TMED3: variants seen among roughly 807,000 people sequenced by gnomAD.
TMED3 encodes transmembrane emp24 domain-containing protein 3.
In TMED3, 9 loss-of-function variants were observed where a neutral mutation model predicts 15.0. That is an observed-to-expected ratio of 0.60 (90% confidence interval 0.36 to 1.04). The LOEUF is 1.04. TMED3 is among the 50% of genes least tolerant of loss of function. TMED3 has a pLI of 0.01. For missense variants in TMED3, 267 were observed against 278.9 expected (o/e 0.96, Z 0.30); for synonymous variants, 117 against 121.4 (o/e 0.96, Z 0.24).
intron 2 of TMED3, among the ~76,000 whole-genome samples, chr15:79,363,526 C>T (rs1372951453): frequency 6.9e-6 from 1 of 145,392 alleles, no homozygotes; most frequent in Non-Finnish European, 1.5e-5. Flanking sequence ...AAAAAAATCT[C>T]CAAGTGAAAA....
In TMED3 at chr15:79,410,827, A is replaced by G. The variant is rs190838611; in HGVS notation, c.418-573A>G. On this transcript the variant is annotated intron_variant, in intron 2 of 2. Coordinates refer to the TMED3 transcript ENST00000424155. ...CAATGATTTGCAAGTGCTTCAATCT[A>G]AATTATAATTTCCCAAGTCTATCAC... Among the ~76,000 whole-genome samples the G allele has an allele frequency of 1.6e-3, 245 of 152,302 alleles. 3 individuals are homozygous for G. The highest frequency in any genetic ancestry group is 5.7e-3 in the African/African-American group (236 of 41,558).
At chr15:79,318,456 A>G (rs755105797) in intron 2 of TMED3, among the ~76,000 whole-genome samples, 6 of 152,170 alleles carry the variant, frequency 3.9e-5, no homozygotes, top group Non-Finnish European at 7.3e-5. Flanking sequence ...AAATCCTTGT[A>G]ACCTCATCCT....
intron 2 of TMED3, among the ~76,000 whole-genome samples, chr15:79,363,288 A>T (rs865959066): frequency 1.3e-5 from 2 of 152,244 alleles, no homozygotes; most frequent in Non-Finnish European, 2.9e-5. Flanking sequence ...AGAACTTTCT[A>T]ATCATACAAC....
At chr15:79,329,209 A>G (rs1297675126) in intron 2 of TMED3, among the ~76,000 whole-genome samples, 1 of 152,166 alleles carries the variant, frequency 6.6e-6, no homozygotes, top group African/African-American at 2.4e-5. Flanking sequence ...CTCTAAAGAG[A>G]CAACAACCAG....
chr15:79,403,719 A>T (rs1893864906), intron 2 of TMED3, among the ~76,000 whole-genome samples: 1 of 152,214 alleles, frequency 6.6e-6, no homozygotes, highest in African/African-American at 2.4e-5. Context: ...ACTTACTGTA[A>T]TCTTGCTAGA....
At chr15:79,316,784 A>G (rs1263470574) in intron 2 of TMED3, among the ~76,000 whole-genome samples, 2 of 152,170 alleles carry the variant, frequency 1.3e-5, no homozygotes, top group Non-Finnish European at 2.9e-5. Context: ...AAGGTCACAC[A>G]CGAGGAGACC....
chr15:79,319,038 C>T (rs2058752769), intron 2 of TMED3, among the ~76,000 whole-genome samples: 1 of 152,140 alleles, frequency 6.6e-6, no homozygotes, highest in African/African-American at 2.4e-5. Flanking sequence ...ATATGTAGCC[C>T]AAAATAATAG....
At chr15:79,413,522 C>T (rs1301650494) in exon 3 of TMED3, 1 of 152,244 alleles carries the variant, frequency 6.6e-6, no homozygotes, top group Non-Finnish European at 1.5e-5. Flanking sequence ...AAAATACACA[C>T]ATGGTGAGGT....
chr15:79,410,057 G>A (rs1447509177), intron 2 of TMED3, among the ~76,000 whole-genome samples: 1 of 151,860 alleles, frequency 6.6e-6, no homozygotes, highest in African/African-American at 2.4e-5. Flanking sequence ...TTTCATACCC[G>A]ATGAATTTTA....
chr15:79,361,690 C>G (rs1893129477), intron 2 of TMED3, among the ~76,000 whole-genome samples: 1 of 148,246 alleles, frequency 6.7e-6, no homozygotes, highest in South Asian at 2.2e-4. Flanking sequence ...ACCTGTTCCC[C>G]AATAACTTAT....
intron 2 of TMED3, among the ~76,000 whole-genome samples, chr15:79,364,745 C>T (rs1893196647): frequency 6.6e-6 from 1 of 151,470 alleles, no homozygotes; most frequent in Non-Finnish European, 1.5e-5. Flanking sequence ...GGAGTTTGGC[C>T]ACTGGATGGC....
At chr15:79,362,052 C>T (rs892470762) in intron 2 of TMED3, among the ~76,000 whole-genome samples, 1 of 151,982 alleles carries the variant, frequency 6.6e-6, no homozygotes, top group African/African-American at 2.4e-5. Flanking sequence ...ATTTTAGTTC[C>T]TGGATAACAA....
chr15:79,311,542 G>A, intron 1 of TMED3, 125 bp downstream of exon 1: 1 of 1,171,882 alleles, frequency 8.5e-7, no homozygotes, highest in Non-Finnish European at 1.2e-6. Flanking sequence ...GCATGGGGTG[G>A]GAGTCCCCGG....
intron 2 of TMED3, among the ~76,000 whole-genome samples, chr15:79,362,095 G>A (rs1206927363): frequency 6.6e-6 from 1 of 151,998 alleles, no homozygotes; most frequent in Non-Finnish European, 1.5e-5. Flanking sequence ...GTTTATCAGA[G>A]TCAGTTAATA....
chr15:79,407,363 T>C (rs564103737), intron 2 of TMED3, among the ~76,000 whole-genome samples: 35 of 152,310 alleles, frequency 2.3e-4, no homozygotes, highest in African/African-American at 8.2e-4. Flanking sequence ...ACCTTTGAGA[T>C]ACTGGGGCAT....
At chr15:79,316,711 A>G (rs1309943833) in intron 2 of TMED3, among the ~76,000 whole-genome samples, 2 of 152,172 alleles carry the variant, frequency 1.3e-5, no homozygotes, top group African/African-American at 4.8e-5. Context: ...AGTGGCAACT[A>G]TAATCCCTGT....
chr15:79,410,686 A>G (rs1010535428), intron 2 of TMED3, among the ~76,000 whole-genome samples: 1 of 138,554 alleles, frequency 7.2e-6, no homozygotes, highest in Admixed American at 7.2e-5. Context: ...ATATATGTGT[A>G]TATGTGTGTG....
chr15:79,329,833 A>T (rs569873354), intron 2 of TMED3, among the ~76,000 whole-genome samples: 6 of 152,342 alleles, frequency 3.9e-5, no homozygotes, highest in African/African-American at 1.2e-4. Context: ...GGTGTGACAC[A>T]TGTGGACCAC....
At chr15:79,361,776 T>G (rs1893131758) in intron 2 of TMED3, among the ~76,000 whole-genome samples, 1 of 152,106 alleles carries the variant, frequency 6.6e-6, no homozygotes, top group South Asian at 2.1e-4. Flanking sequence ...GCCCAAATAA[T>G]TACTAAATTA....
Sources: gnomAD v4.1 joint callset for allele counts (sites outside exome capture counted in the v4.1 genomes callset) on GRCh38, gnomAD v4.1.1 for gene constraint, MANE v1.5 for transcripts, NCBI Gene and HGNC (gene_info 2026-07-23, HGNC 2026-07-21) for gene names.